SLC8A1: variants seen among roughly 807,000 people sequenced by gnomAD.
SLC8A1 encodes sodium/calcium exchanger 1.
SLC8A1 carries 18 observed loss-of-function variants against 68.3 expected under a neutral mutation model. The ratio of observed to expected loss-of-function variants is 0.26; its 90% CI spans 0.18 to 0.39. SLC8A1 has a LOEUF of 0.39. SLC8A1 is among the 10% of genes least tolerant of loss of function. The probability of loss-of-function intolerance (pLI) is 1.00; values close to 1 mark genes in which losing one functional copy is unlikely to be tolerated. For missense variants in SLC8A1, 985 were observed against 1,156.7 expected (o/e 0.85, Z 2.15); for synonymous variants, 475 against 415.5 (o/e 1.14, Z -1.74).
At chr2:40,354,291 G>T (rs557912545) in intron 2 of SLC8A1, among the ~76,000 whole-genome samples, 23 of 152,274 alleles carry the variant, frequency 1.5e-4, no homozygotes, top group African/African-American at 5.3e-4. Context: ...TAACTGAGGT[G>T]ATCATATGTT....
At position 40,485,139 on chromosome 2, in the gene SLC8A1, G is replaced by A. The variant is rs182508472; in HGVS notation, c.-25+27210C>T. 4.0e-3 allele frequency among the ~76,000 whole-genome samples: 602 copies of A among 152,190 alleles called. 3 individuals are homozygous for A. The highest frequency in any genetic ancestry group is 0.011 in the South Asian group (54 of 4,828). ...AAATAGAGGAGGAGGAGTAGAAGCA[G>A]GCAGGCAAGGAGAGAACAACCATCC... On this transcript the variant is annotated intron_variant, in intron 1 of 7. Coordinates refer to the SLC8A1 transcript ENST00000402441.
intron 2 of SLC8A1, among the ~76,000 whole-genome samples, chr2:40,319,886 C>T (rs939469418): frequency 4.6e-4 from 70 of 152,214 alleles, no homozygotes; most frequent in African/African-American, 1.7e-3. Flanking sequence ...GTGGAGAGAG[C>T]TTACCAATGT....
intron 5 of SLC8A1, among the ~76,000 whole-genome samples, chr2:40,161,306 T>C (rs2045641660): frequency 6.6e-6 from 1 of 152,222 alleles, no homozygotes; most frequent in Non-Finnish European, 1.5e-5. Flanking sequence ...TATTGTATTT[T>C]GTTTATCAAT....
chr2:40,156,873 T>G (rs114412118), intron 6 of SLC8A1, among the ~76,000 whole-genome samples: 315 of 152,316 alleles, frequency 2.1e-3, no homozygotes, highest in African/African-American at 7.2e-3. Flanking sequence ...TGCGTACCTG[T>G]GTATACGTGT....
At chr2:40,414,574 T>G (rs920144425) in intron 2 of SLC8A1, among the ~76,000 whole-genome samples, 2 of 152,202 alleles carry the variant, frequency 1.3e-5, no homozygotes, top group African/African-American at 4.8e-5. Flanking sequence ...CCTTGATTGA[T>G]CTTTCATTAT....
At chr2:40,321,254 AGGAAT>A (rs2075150080) in intron 2 of SLC8A1, among the ~76,000 whole-genome samples, 1 of 152,180 alleles carries the variant, frequency 6.6e-6, no homozygotes, top group Non-Finnish European at 1.5e-5. Context: ...ACATCTGTTA[AGGAAT>A]GTAATTGTTT....
At chr2:40,116,807 C>A (rs897884570) in intron 7 of SLC8A1, 5 of 152,174 alleles carry the variant, frequency 3.3e-5, no homozygotes, top group Non-Finnish European at 5.9e-5. Context: ...CTGACTGTAT[C>A]TTTTTGTGAT....
At chr2:40,291,918 T>TTTTTTTTG (rs2069406845) in intron 2 of SLC8A1, among the ~76,000 whole-genome samples, 1 of 151,886 alleles carries the variant, frequency 6.6e-6, no homozygotes, top group African/African-American at 2.4e-5. Context: ...TTTTTTTTTT[T>TTTTTTTTG]TTAACACCAC....
intron 2 of SLC8A1, among the ~76,000 whole-genome samples, chr2:40,313,567 G>A (rs982711896): frequency 1.3e-5 from 2 of 151,896 alleles, no homozygotes; most frequent in South Asian, 4.1e-4. Context: ...AATATTTGGT[G>A]TGGTCAATTT....
intron 2 of SLC8A1, among the ~76,000 whole-genome samples, chr2:40,242,686 G>A (rs746893112): frequency 5.9e-5 from 9 of 152,116 alleles, no homozygotes; most frequent in Non-Finnish European, 1.2e-4. Context: ...CTAGGCAGAA[G>A]CAAACCAAAA....
At chr2:40,379,933 G>A (rs1002145074) in intron 2 of SLC8A1, among the ~76,000 whole-genome samples, 1 of 152,160 alleles carries the variant, frequency 6.6e-6, no homozygotes, top group Middle Eastern at 3.4e-3. Context: ...CATTAGGAAA[G>A]AGCTCTAGTA....
intron 2 of SLC8A1, among the ~76,000 whole-genome samples, chr2:40,252,349 T>C (rs1574732449): frequency 1.3e-5 from 2 of 152,230 alleles, no homozygotes; most frequent in East Asian, 1.9e-4. Flanking sequence ...GATTGATTGA[T>C]TGAGATGGAG....
chr2:40,104,812 A>C (rs1053704869), exon 8 of SLC8A1: 1 of 152,178 alleles, frequency 6.6e-6, no homozygotes, highest in African/African-American at 2.4e-5. Context: ...TTGACTGTAT[A>C]GTTTATGAGC....
At chr2:40,196,256 T>C (rs1372684409) in intron 2 of SLC8A1, among the ~76,000 whole-genome samples, 1 of 151,582 alleles carries the variant, frequency 6.6e-6, no homozygotes, top group East Asian at 1.9e-4. Context: ...AAAAGAGGAG[T>C]TGAATGAAAT....
intron 2 of SLC8A1, among the ~76,000 whole-genome samples, chr2:40,324,062 A>G (rs2075537544): frequency 6.6e-6 from 1 of 152,092 alleles, no homozygotes; most frequent in African/African-American, 2.4e-5. Context: ...CAGTATGTGT[A>G]AACCAAGATT....
intron 2 of SLC8A1, among the ~76,000 whole-genome samples, chr2:40,358,545 T>G (rs1673485481): frequency 6.6e-6 from 1 of 152,202 alleles, no homozygotes; most frequent in Non-Finnish European, 1.5e-5. Context: ...TAATCCAGTC[T>G]AATCCTATTT....
rs142618419 is a variant in SLC8A1, at chr2:40,433,665, T to C, written c.-24-3361A>G. 1.1e-4 allele frequency among the ~76,000 whole-genome samples: 16 copies of C among 152,284 alleles called. No homozygotes were observed. In the East Asian group the frequency reaches 2.3e-3, roughly 22 times the overall value. On this transcript the variant is annotated intron_variant, in intron 1 of 7. Transcript: ENST00000406785. ...GGAGGTTGGATAACTGAGGCTTAGA[T>C]AGGTTAAGTACTTGCTGAAAGTCAT...
intron 2 of SLC8A1, among the ~76,000 whole-genome samples, chr2:40,232,786 C>T (rs1448021938): frequency 1.6e-5 from 2 of 124,842 alleles, no homozygotes; most frequent in Non-Finnish European, 3.3e-5. Context: ...GTGTGATATT[C>T]CCCTTCCTGT....
chr2:40,197,905 A>G (rs1291675231), intron 2 of SLC8A1, among the ~76,000 whole-genome samples: 1 of 152,052 alleles, frequency 6.6e-6, no homozygotes, highest in African/African-American at 2.4e-5. Flanking sequence ...ATGACTGTCC[A>G]GAAATGCTCC....
Sources: allele counts gnomAD v4.1 joint callset (sites outside exome capture counted in the v4.1 genomes callset), GRCh38; gene constraint gnomAD v4.1.1; transcripts MANE v1.5; gene names NCBI Gene and HGNC (gene_info 2026-07-23, HGNC 2026-07-21).